Variants in DEK observed in about 807,000 individuals in gnomAD.
DEK encodes protein DEK.
DEK carries 28 observed loss-of-function variants against 46.8 expected under a neutral mutation model. That is an observed-to-expected ratio of 0.60 (90% CI 0.44 to 0.82). DEK has a LOEUF of 0.82. Among genes scored for constraint, DEK ranks in the 40% least tolerant of loss-of-function variants. The pLI, the probability that DEK is intolerant of heterozygous loss-of-function variation, is 0.00. For missense variants in DEK, 416 were observed against 430.6 expected, an observed-to-expected ratio of 0.97 and a Z score of 0.30; for synonymous variants, 160 against 144.5, an observed-to-expected ratio of 1.11 and a Z score of -0.77.
Position 18,264,496 on chromosome 6 carries a change from T to A in DEK, c.-121A>T. On this transcript the variant is annotated 5_prime_UTR_variant, in exon 1 of 11. Coordinates refer to ENST00000652689, the MANE Select transcript of DEK (RefSeq NM_003472.4). ...CGCGGGCCGCTGTCTGGCGTGACGCTCGCGCCGCGCGCTCGGCTCCCCAGA... is the reference window on the plus strand; with the variant it reads ...CGCGGGCCGCTGTCTGGCGTGACGCACGCGCCGCGCGCTCGGCTCCCCAGA... 4.0e-6 allele frequency: 1 copy of A among 251,308 alleles called. No homozygotes were observed. Among genetic ancestry groups the A allele is most frequent in the South Asian group, 4.3e-5 (1 of 23,236 alleles). 15.6% of individuals were successfully genotyped at this position (251,308 alleles called of 1,614,324 possible).
Position 18,256,472 on chromosome 6 carries a change from T to C in DEK, c.358-17A>G. The C allele has an allele frequency of 6.3e-7, 1 of 1,594,814 alleles. No homozygotes were observed. The highest frequency in any genetic ancestry group is 8.6e-7 in the Non-Finnish European group (1 of 1,166,956). On this transcript the variant is annotated splice_polypyrimidine_tract_variant and intron_variant, in intron 4 of 10. Coordinates refer to ENST00000652689, the MANE Select transcript of DEK (RefSeq NM_003472.4). Reference sequence around the variant, plus strand: ...TGAGGACACCTGAAAATGTTCCTTATTATTAATGGTATTTATTACCCAGTA... The same window carrying C: ...TGAGGACACCTGAAAATGTTCCTTACTATTAATGGTATTTATTACCCAGTA...
intron 4 of DEK, 46 bp downstream of exon 4, chr6:18,257,907 T>C: frequency 2.2e-6 from 3 of 1,369,284 alleles, no homozygotes; most frequent in South Asian, 1.3e-5. Flanking sequence ...ATTGATTCCA[T>C]TGTGAAGTAA....
chr6:18,236,744 T>A, intron 8 of DEK, 144 bp from the exon 9 acceptor site: 1 of 516,122 alleles, frequency 1.9e-6, no homozygotes, highest in Non-Finnish European at 3.0e-6. Flanking sequence ...CAGTTACCTA[T>A]AAAACATGCA....
At chr6:18,255,705 T>C (rs1791567258) in intron 6 of DEK, 26 bp downstream of exon 6, 6 of 1,581,374 alleles carry the variant, frequency 3.8e-6, no homozygotes, top group Middle Eastern at 1.7e-4. Flanking sequence ...AACTGATTTA[T>C]GAAAAAAATA....
chr6:18,251,303 A>G (rs191481539), intron 6 of DEK, among the ~76,000 whole-genome samples: 151 of 152,318 alleles, frequency 9.9e-4, no homozygotes, highest in African/African-American at 3.5e-3. Context: ...AATGTTTGTG[A>G]TAACTTTAGG....
chr6:18,263,850 CTCCTCCTCCTCCTCCTCGTCGTCCTCG>C lies in DEK; in HGVS notation c.111_137del (p.Asp37_Glu45del). 6.4e-7 allele frequency: 1 copy of C among 1,574,382 alleles called. No homozygotes were observed. Among genetic ancestry groups the C allele is most frequent in the Non-Finnish European group, 8.6e-7 (1 of 1,159,462 alleles). The stretch of plus-strand genomic sequence containing the variant: ...GGATGCGACTCCCCCCACCTTTTTC[CTCCTCCTCCTCCTCCTCGTCGTCCTCG>C]TCCTCTTCCTCCTCGCTCTCCTCTC... On this transcript the variant is annotated inframe_deletion, in exon 2 of 11. Coordinates refer to ENST00000652689, the MANE Select transcript of DEK (RefSeq NM_003472.4).
chr6:18,230,560 A>G (rs928242169), intron 9 of DEK, among the ~76,000 whole-genome samples: 1 of 152,228 alleles, frequency 6.6e-6, no homozygotes, highest in African/African-American at 2.4e-5. Flanking sequence ...GAAAACAAAA[A>G]AAACAGGGGT....
rs542504836 is a variant in DEK at position 18,232,815 on chromosome 6, G to C, written c.1047+3637C>G. Among the ~76,000 whole-genome samples the C allele has an allele frequency of 5.3e-5, 8 of 152,206 alleles. 1 individual carries two copies. The highest frequency in any genetic ancestry group is 1.9e-4 in the East Asian group (1 of 5,178). On this transcript the variant is annotated intron_variant, in intron 9 of 10. Coordinates refer to ENST00000652689, the MANE Select transcript of DEK (RefSeq NM_003472.4). ...ATAGATTCAATGCCATCCCCATCAA[G>C]CTACCAATCACTTTCTTCATAGAAC...
At chr6:18,237,628 T>G in intron 7 of DEK, 112 bp from the exon 8 acceptor site, 1 of 1,365,536 alleles carries the variant, frequency 7.3e-7, no homozygotes, top group Non-Finnish European at 9.7e-7. Flanking sequence ...CCAATATATT[T>G]GGTATCAGCA....
chr6:18,259,394 C>CAAAAAAAAAAAAAAAAAAAAA (rs56704006), intron 2 of DEK, among the ~76,000 whole-genome samples: 2 of 41,482 alleles, frequency 4.8e-5, no homozygotes, highest in African/African-American at 7.2e-5. Context: ...GACTCCGTCT[C>CAAAAAAAAAAAAAAAAAAAAA]AAAAAAAAAA....
chr6:18,256,484 T>C (rs373439874), intron 4 of DEK, 29 bp from the exon 5 acceptor site: 813 of 1,557,956 alleles, frequency 5.2e-4, no homozygotes, highest in Non-Finnish European at 6.8e-4. Flanking sequence ...ATTAATGGTA[T>C]TTATTACCCA....
Position 18,258,269 on chromosome 6 carries a change from C to T in DEK, c.247+35G>A, listed in dbSNP as rs200811509. 103 of 1,560,972 alleles carry T rather than the reference C, an allele frequency of 6.6e-5. No individual in the cohort carries two copies. In the East Asian group the frequency reaches 2.2e-3, roughly 34 times the overall value. On this transcript the variant is annotated intron_variant, in intron 3 of 10. Transcript: ENST00000652689. ...TCATTTTCACAAATTTAGGCACTTTCACCACAAAATGAAAGGAAGCTAGAA... is the reference window on the plus strand; with the variant it reads ...TCATTTTCACAAATTTAGGCACTTTTACCACAAAATGAAAGGAAGCTAGAA...
At chr6:18,234,298 A>G (rs967328018) in intron 9 of DEK, among the ~76,000 whole-genome samples, 54 of 147,840 alleles carry the variant, frequency 3.7e-4, no homozygotes, top group African/African-American at 1.4e-3. Flanking sequence ...ATATATATAT[A>G]TATGTAACCT....
At chr6:18,236,654 C>T in intron 8 of DEK, 54 bp from the exon 9 acceptor site, 1 of 1,227,722 alleles carries the variant, frequency 8.1e-7, no homozygotes, top group Admixed American at 3.2e-5. Context: ...TAACATTTAA[C>T]AAAGGCTGAG....
chr6:18,229,455 A>T (rs1474090098), intron 9 of DEK, among the ~76,000 whole-genome samples: 1 of 152,220 alleles, frequency 6.6e-6, no homozygotes, highest in Non-Finnish European at 1.5e-5. Flanking sequence ...GTTCGAACCC[A>T]TCACAAAGAA....
chr6:18,259,040 A>G (rs754675075), intron 2 of DEK, among the ~76,000 whole-genome samples: 2 of 152,064 alleles, frequency 1.3e-5, no homozygotes, highest in African/African-American at 4.8e-5. Flanking sequence ...TTTAGTCACA[A>G]AAATCTACGG....
intron 9 of DEK, among the ~76,000 whole-genome samples, chr6:18,230,393 G>A (rs1208923045): frequency 6.6e-6 from 1 of 152,184 alleles, no homozygotes; most frequent in Non-Finnish European, 1.5e-5. Context: ...AACCTTAAAT[G>A]TAAATGGGCT....
At chr6:18,226,689 A>C (rs980728738) in intron 9 of DEK, among the ~76,000 whole-genome samples, 2 of 152,172 alleles carry the variant, frequency 1.3e-5, no homozygotes, top group African/African-American at 4.8e-5. Context: ...GTGAAGCAGG[A>C]GGATGGCTTG....
chr6:18,229,742 C>G (rs1342206345), intron 9 of DEK, among the ~76,000 whole-genome samples: 1 of 152,214 alleles, frequency 6.6e-6, no homozygotes, highest in Non-Finnish European at 1.5e-5. Flanking sequence ...AAGACCAAAT[C>G]TACATCTGAT....
Sources: allele counts gnomAD v4.1 joint callset (sites outside exome capture counted in the v4.1 genomes callset), GRCh38; gene constraint gnomAD v4.1.1; transcripts MANE v1.5; gene names NCBI Gene and HGNC (gene_info 2026-07-23, HGNC 2026-07-21).